Variants in INAVA observed in about 807,000 individuals in gnomAD.
The protein encoded by INAVA is innate immunity activator.
In INAVA, 32 loss-of-function variants were observed where a neutral mutation model predicts 55.3. The observed-to-expected ratio is 0.58, with a 90% confidence interval of 0.44 to 0.78. The LOEUF is 0.78. Ranked by LOEUF, INAVA falls within the 30% of genes least tolerant of loss-of-function variation. The pLI, the probability that INAVA is intolerant of heterozygous loss-of-function variation, is 0.00. For missense variants in INAVA, 756 were observed against 786.4 expected (o/e 0.96, Z 0.46); for synonymous variants, 294 against 329.4 (o/e 0.89, Z 1.16).
intron 2 of INAVA, 74 bp from the exon 3 acceptor site, chr1:200,899,399 A>C: frequency 6.3e-7 from 1 of 1,596,566 alleles, no homozygotes; most frequent in Non-Finnish European, 8.6e-7. Flanking sequence ...GCATTCCCCT[A>C]GGGGTGGTCA....
chr1:200,908,614 C>A, intron 6 of INAVA, 116 bp from the exon 7 acceptor site: 1 of 866,906 alleles, frequency 1.2e-6, no homozygotes, highest in Non-Finnish European at 1.8e-6. Flanking sequence ...CCTGCAGCAG[C>A]TGCACAAGCC....
At chr1:200,893,598 C>T (rs560005270), upstream of INAVA, among the ~76,000 whole-genome samples, 19 of 152,220 alleles carry the variant, frequency 1.2e-4, no homozygotes, top group East Asian at 3.9e-4. Flanking sequence ...CCCAATGGGG[C>T]GGGGGGAGGA....
Position 200,911,490 on chromosome 1 carries a change from C to G in INAVA, c.997C>G (p.Arg333Gly). The change falls in exon 9 of 10, where the codon CGC becomes GGC. Residue 333 changes from arginine to glycine, a missense_variant. By Grantham distance (125) the Arg-to-Gly change is moderately radical (BLOSUM62 -2). Around this residue, in one of 2 missense-constraint regions of INAVA, gnomAD observed 639 missense variants for 624.3 expected, o/e 1.02. Coordinates refer to ENST00000413687, the MANE Select transcript of INAVA (RefSeq NM_001142569.3). The part of the protein sequence containing the change: ...SFRAGPEGRG[R>G]SAFPRRRPTH... The stretch of plus-strand genomic sequence containing the variant: ...CCGGGCGGGTCCTGAGGGCCGAGGT[C>G]GCAGCGCCTTTCCCCGCCGCCGCCC... The G allele has an allele frequency of 6.2e-7, 1 of 1,613,548 alleles. No individual in the cohort carries two copies. The highest frequency in any genetic ancestry group is 8.5e-7 in the Non-Finnish European group (1 of 1,179,788).
At chr1:200,901,625 G>A (rs1164193320) in intron 5 of INAVA, among the ~76,000 whole-genome samples, 1 of 152,222 alleles carries the variant, frequency 6.6e-6, no homozygotes, top group Admixed American at 6.5e-5. Context: ...TTTGACGATT[G>A]CTATGTGTTA....
chr1:200,897,369 T>G (rs964800700), intron 1 of INAVA, among the ~76,000 whole-genome samples: 2 of 152,174 alleles, frequency 1.3e-5, no homozygotes, highest in African/African-American at 4.8e-5. Context: ...AATTGATGGC[T>G]TGAAAGTTGT....
intron 8 of INAVA, among the ~76,000 whole-genome samples, chr1:200,910,110 A>G (rs1653653723): frequency 6.6e-6 from 1 of 152,190 alleles, no homozygotes; most frequent in Admixed American, 6.5e-5. Context: ...TTTAAACAGC[A>G]GAATCACTAA....
At chr1:200,900,341 C>T in intron 4 of INAVA, 121 bp downstream of exon 4, 1 of 834,730 alleles carries the variant, frequency 1.2e-6, no homozygotes, top group Non-Finnish European at 1.9e-6. Context: ...AGTGAGGGTG[C>T]TTGGCTGCCT....
chr1:200,898,394 A>T lies in INAVA; in HGVS notation c.-7A>T, dbSNP rs1441770426. 6.2e-7 allele frequency: 1 copy of T among 1,613,996 alleles called. No individual in the cohort carries two copies. Among genetic ancestry groups the T allele is most frequent in the East Asian group, 2.2e-5 (1 of 44,872 alleles). ...TGCTCTGTGCCCTCTCCTTCCAGAA[A>T]TCCACCATGGAGAGTAAGGATGAGG... On this transcript the variant is annotated 5_prime_UTR_variant, in exon 2 of 10. Transcript: ENST00000413687.
chr1:200,902,531 GAAC>G (rs1653310526), intron 5 of INAVA, among the ~76,000 whole-genome samples: 1 of 152,228 alleles, frequency 6.6e-6, no homozygotes, highest in Non-Finnish European at 1.5e-5. Flanking sequence ...CTTGGCCGCA[GAAC>G]AACACTCCCA....
intron 9 of INAVA, 57 bp from the exon 10 acceptor site, chr1:200,913,480 C>T (rs1236122801): frequency 3.7e-6 from 5 of 1,368,474 alleles, no homozygotes; most frequent in Admixed American, 3.4e-5. Context: ...TGCCTGCTGT[C>T]CCCGCTTTTC....
At chr1:200,896,127 C>G (rs1171570228) in intron 1 of INAVA, among the ~76,000 whole-genome samples, 1 of 152,202 alleles carries the variant, frequency 6.6e-6, no homozygotes, top group Non-Finnish European at 1.5e-5. Context: ...CTGCAACAGT[C>G]TCAGAGCCCC....
At chr1:200,895,542 G>A (rs569521300) in intron 1 of INAVA, among the ~76,000 whole-genome samples, 101 of 152,242 alleles carry the variant, frequency 6.6e-4, no homozygotes, top group African/African-American at 2.4e-3. Flanking sequence ...GTTAGGGAGG[G>A]GGTGGGGATG....
At chr1:200,909,510 T>A in intron 8 of INAVA, 113 bp downstream of exon 8, 1 of 967,088 alleles carries the variant, frequency 1.0e-6, no homozygotes, top group Non-Finnish European at 1.4e-6. Flanking sequence ...GGCTAGTGCC[T>A]TGACTTCTCT....
Position 200,912,126 on chromosome 1 carries a change from C to T in INAVA, c.1633C>T (p.Pro545Ser). 5 of 1,548,218 alleles carry T rather than the reference C, an allele frequency of 3.2e-6. No individual in the cohort carries two copies. In the South Asian group the frequency reaches 3.6e-5, roughly 11 times the overall value. The change falls in exon 9 of 10, where the codon CCC becomes TCC. Residue 545 changes from proline to serine, a missense_variant. Pro to Ser is a moderately conservative substitution (Grantham distance 74). Transcript: ENST00000413687. ...GREGFGRALGPRAQVPTVCVL... is the reference protein window; with the variant it reads ...GREGFGRALGSRAQVPTVCVL... ...AGAGGGCTTCGGACGAGCCCTGGGA[C>T]CCCGGGCACAGGTACGGCTGCTCTG...
rs754224822 is a variant in INAVA at position 200,913,576 on chromosome 1, G to T, written c.1684G>T (p.Ala562Ser). 1.2e-6 allele frequency: 2 copies of T among 1,613,996 alleles called. No homozygotes were observed. The highest frequency in any genetic ancestry group is 2.2e-5 in the South Asian group (2 of 91,084). Residue 562 changes from alanine to serine, a missense_variant, in exon 10 of 10, where the codon GCC (alanine) becomes TCC (serine). Ala to Ser is a moderately conservative substitution (Grantham distance 99, BLOSUM62 1). Around this residue, in one of 2 missense-constraint regions of INAVA, gnomAD observed 117 missense variants for 162.1 expected, o/e 0.72. Transcript: ENST00000413687. Reference sequence around the variant, plus strand: ...TGTGCTGCGGAGATCGCCTGATGGGGCCCCTGTGCAAGTCTTTGTACCTGA... The same window carrying T: ...TGTGCTGCGGAGATCGCCTGATGGGTCCCCTGTGCAAGTCTTTGTACCTGA... Reference protein sequence around the residue: ...VCVLRRSPDGAPVQVFVPEKG... With the variant: ...VCVLRRSPDGSPVQVFVPEKG...
In INAVA at chr1:200,899,485, C is replaced by T. The variant is rs776043601; in HGVS notation, c.68C>T (p.Pro23Leu). ...CCAACCCTTGCAGGCCCCGACAGCC[C>T]GGTCTCCCCAATGAAGGAGCTGACC... is the stretch of plus-strand genomic sequence containing the variant. ...GIILQSGPDS[P>L]VSPMKELTHA... The change falls in exon 3 of 10, where the codon CCG becomes CTG. Residue 23 changes from proline (P) to leucine (L), a missense_variant. Physicochemically the swap from Pro to Leu is moderately conservative, Grantham distance 98. This residue lies in a region of INAVA where 639 missense variants were observed against 624.3 expected (regional missense o/e 1.02). Coordinates refer to ENST00000413687, the MANE Select transcript of INAVA (RefSeq NM_001142569.3). The T allele has an allele frequency of 7.4e-6, 12 of 1,613,942 alleles. No homozygotes were observed. The highest frequency in any genetic ancestry group is 2.2e-5 in the South Asian group (2 of 91,082).
upstream of INAVA, among the ~76,000 whole-genome samples, chr1:200,894,474 G>A (rs1668299307): frequency 6.6e-6 from 1 of 152,164 alleles, no homozygotes; most frequent in Non-Finnish European, 1.5e-5. Context: ...TTCCATATGT[G>A]GGGAAGAGCA....
In INAVA at chr1:200,899,740, C is replaced by T. The variant is rs115846152; in HGVS notation, c.180+143C>T. On this transcript the variant is annotated intron_variant, in intron 3 of 9. Coordinates refer to ENST00000413687, the MANE Select transcript of INAVA (RefSeq NM_001142569.3). Reference sequence around the variant, plus strand: ...AGGCTGGGGGCTGGGGCCCAGAGTCCCCATGATGCAGTGTTTGACCTTGTG... The same window carrying T: ...AGGCTGGGGGCTGGGGCCCAGAGTCTCCATGATGCAGTGTTTGACCTTGTG... 1.4e-3 allele frequency: 1,718 copies of T among 1,235,260 alleles called. 11 individuals are homozygous for T. In the African/African-American group the frequency reaches 0.02, roughly 14 times the overall value. 76.5% of individuals were successfully genotyped at this position (1,235,260 alleles called of 1,614,324 possible).
chr1:200,898,947 C>T (rs959959280), intron 2 of INAVA, among the ~76,000 whole-genome samples: 1 of 152,284 alleles, frequency 6.6e-6, no homozygotes, highest in Non-Finnish European at 1.5e-5. Context: ...GCATTGCACT[C>T]CAGCCTGGGC....
Sources: gnomAD v4.1 joint callset for allele counts (sites outside exome capture counted in the v4.1 genomes callset) on GRCh38, gnomAD v4.1.1 for gene constraint, gnomAD v4.1.1 regional missense constraint, MANE v1.5 for transcripts, NCBI Gene and HGNC (gene_info 2026-07-23, HGNC 2026-07-21) for gene names.